Variants in CHRM5 observed in about 807,000 individuals in gnomAD.
The protein encoded by CHRM5 is muscarinic acetylcholine receptor M5.
A neutral mutation model predicts 39.0 loss-of-function variants in CHRM5; 18 were observed. That is an observed-to-expected ratio of 0.46 (90% confidence interval 0.32 to 0.68). The LOEUF (loss-of-function observed/expected upper bound fraction) is 0.68. CHRM5 is among the 30% of genes least tolerant of loss of function. The pLI, the probability that CHRM5 is intolerant of heterozygous loss-of-function variation, is 0.04. For synonymous variants in CHRM5, 241 were observed against 246.3 expected (o/e 0.98, Z 0.20); for missense variants, 515 against 651.1 (o/e 0.79, Z 2.28).
chr15:34,018,066 TTA>T (rs1051966821), intron 1 of CHRM5, among the ~76,000 whole-genome samples: 4 of 152,250 alleles, frequency 2.6e-5, no homozygotes, highest in African/African-American at 9.6e-5. Flanking sequence ...ATTTACTATA[TTA>T]TACTTTTTAC....
At chr15:34,038,571 G>A (rs889574997) in intron 1 of CHRM5, among the ~76,000 whole-genome samples, 1 of 151,702 alleles carries the variant, frequency 6.6e-6, no homozygotes, top group Admixed American at 6.6e-5. Flanking sequence ...AGCCCGGCCA[G>A]GAGGCCACGA....
intron 1 of CHRM5, among the ~76,000 whole-genome samples, chr15:34,009,490 C>T (rs1897544645): frequency 6.6e-6 from 1 of 151,908 alleles, no homozygotes. Flanking sequence ...AATCAATATC[C>T]AACTACAGCT....
intron 1 of CHRM5, among the ~76,000 whole-genome samples, chr15:34,014,367 T>TTAAAA (rs1555516100): frequency 1.5e-4 from 2 of 13,574 alleles, no homozygotes; most frequent in African/African-American, 3.4e-4. Context: ...TCCATCTCAT[T>TTAAAA]AAAAAAAAAA....
intron 1 of CHRM5, among the ~76,000 whole-genome samples, chr15:33,990,365 G>A (rs941025746): frequency 1.3e-5 from 2 of 152,000 alleles, no homozygotes. Context: ...ATGGGCGACA[G>A]AGTGAGACCC....
intron 1 of CHRM5, among the ~76,000 whole-genome samples, chr15:34,038,428 A>G (rs1899257977): frequency 6.6e-6 from 1 of 152,038 alleles, no homozygotes; most frequent in Non-Finnish European, 1.5e-5. Flanking sequence ...CCATAGTGGT[A>G]CTCGTACAGA....
chr15:33,975,593 T>C (rs373178813), intron 1 of CHRM5, among the ~76,000 whole-genome samples: 1 of 152,188 alleles, frequency 6.6e-6, no homozygotes, highest in South Asian at 2.1e-4. Context: ...TTTGTCATAA[T>C]AGAACTCAGA....
chr15:34,015,150 T>C (rs1897828737), intron 1 of CHRM5, among the ~76,000 whole-genome samples: 1 of 152,082 alleles, frequency 6.6e-6, no homozygotes, highest in Non-Finnish European at 1.5e-5. Flanking sequence ...AAAGCTGTTA[T>C]CATAAGGAAA....
intron 1 of CHRM5, among the ~76,000 whole-genome samples, chr15:34,008,952 G>GCACACA (rs142138959): frequency 2.0e-4 from 19 of 95,586 alleles, no homozygotes; most frequent in East Asian, 1.6e-3. Context: ...ACGTGCGCGC[G>GCACACA]CGCACACACA....
intron 2 of CHRM5, among the ~76,000 whole-genome samples, chr15:34,047,235 G>A (rs1899734313): frequency 6.6e-6 from 1 of 152,036 alleles, no homozygotes; most frequent in South Asian, 2.1e-4. Context: ...CCGCCACCAT[G>A]CCCTGCTAAC....
At chr15:34,024,860 C>CAA (rs34957149) in intron 1 of CHRM5, among the ~76,000 whole-genome samples, 42 of 145,934 alleles carry the variant, frequency 2.9e-4, no homozygotes, top group Non-Finnish European at 3.3e-4. Context: ...GACTCCTTCT[C>CAA]AAAAAAAAAA....
At chr15:34,035,179 A>C (rs1222891176) in intron 1 of CHRM5, among the ~76,000 whole-genome samples, 1 of 152,264 alleles carries the variant, frequency 6.6e-6, no homozygotes, top group African/African-American at 2.4e-5. Context: ...TTTGATCAGA[A>C]TTAAATGCCT....
At chr15:33,978,663 AAAAT>A (rs1211263683) in intron 1 of CHRM5, among the ~76,000 whole-genome samples, 2 of 151,956 alleles carry the variant, frequency 1.3e-5, no homozygotes, top group African/African-American at 2.4e-5. Flanking sequence ...ACTCTGTTTC[AAAAT>A]AAATAAATAA....
chr15:34,004,309 A>G (rs930571691), intron 1 of CHRM5, among the ~76,000 whole-genome samples: 1 of 152,010 alleles, frequency 6.6e-6, no homozygotes, highest in African/African-American at 2.4e-5. Flanking sequence ...GAGCATGCAG[A>G]AAGATGCACA....
chr15:34,024,137 T>C (rs566078075), intron 1 of CHRM5, among the ~76,000 whole-genome samples: 1,388 of 137,264 alleles, frequency 0.01, 8 homozygotes, highest in Non-Finnish European at 0.011. Flanking sequence ...GCTGATACTA[T>C]GCCAGGCATT....
chr15:33,990,129 G>T (rs1022747850), intron 1 of CHRM5, among the ~76,000 whole-genome samples: 58 of 152,144 alleles, frequency 3.8e-4, no homozygotes, highest in Non-Finnish European at 5.3e-4. Context: ...ACTTGAACCT[G>T]GGAGGCAGAG....
intron 1 of CHRM5, chr15:34,002,911 T>C: frequency 1.0e-6 from 1 of 972,370 alleles, no homozygotes; most frequent in Non-Finnish European, 1.5e-6. Flanking sequence ...TTTACTTGAA[T>C]TAAAAATCCA....
At chr15:34,047,386 C>T (rs1899746169) in intron 2 of CHRM5, among the ~76,000 whole-genome samples, 1 of 152,070 alleles carries the variant, frequency 6.6e-6, no homozygotes. Context: ...GGAGACCTAG[C>T]AGTTTTACAT....
intron 1 of CHRM5, among the ~76,000 whole-genome samples, chr15:33,974,025 T>C (rs1749532888): frequency 6.6e-6 from 1 of 152,182 alleles, no homozygotes; most frequent in South Asian, 2.1e-4. Context: ...TATAAGGAGA[T>C]AATATCTGTT....
At chr15:33,986,548 C>T (rs1303518856) in intron 1 of CHRM5, among the ~76,000 whole-genome samples, 1 of 152,116 alleles carries the variant, frequency 6.6e-6, no homozygotes, top group Non-Finnish European at 1.5e-5. Flanking sequence ...CTTTCTGAAA[C>T]TTAATGATTT....
Sources: allele counts gnomAD v4.1 joint callset (sites outside exome capture counted in the v4.1 genomes callset), GRCh38; gene constraint gnomAD v4.1.1; transcripts MANE v1.5; gene names NCBI Gene and HGNC (gene_info 2026-07-23, HGNC 2026-07-21).